The following HIRA variants were observed in gnomAD, a reference collection of about 807,000 sequenced individuals.
The protein encoded by HIRA is protein HIRA.
In HIRA, 13 loss-of-function variants were observed where a neutral mutation model predicts 126.6. That is an observed-to-expected ratio of 0.10 (90% CI 0.07 to 0.16). The LOEUF is 0.16. HIRA is among the 10% of genes least tolerant of loss of function. The probability of loss-of-function intolerance (pLI) is 1.00; values close to 1 mark genes in which losing one functional copy is unlikely to be tolerated. For synonymous variants in HIRA, 511 were observed against 520.0 expected (o/e 0.98, Z 0.24); for missense variants, 834 against 1,314.4 (o/e 0.63, Z 5.65).
chr22:19,423,081 C>T (rs1473689820), intron 1 of HIRA, among the ~76,000 whole-genome samples: 1 of 152,120 alleles, frequency 6.6e-6, no homozygotes, highest in Non-Finnish European at 1.5e-5. Context: ...GTGTGGATCC[C>T]GAGAGCCCTC....
chr22:19,409,288 C>CTT (rs1556025180), intron 2 of HIRA, among the ~76,000 whole-genome samples: 145 of 145,452 alleles, frequency 1.0e-3, no homozygotes, highest in Middle Eastern at 3.6e-3. Flanking sequence ...GATTTCTTTT[C>CTT]TTTTTTTTTT....
chr22:19,405,316 C>T (rs1361473448), intron 5 of HIRA: 1 of 198,012 alleles, frequency 5.1e-6, no homozygotes, highest in Non-Finnish European at 9.1e-6. Context: ...CATGGGCAAC[C>T]TTCCCCCTCA....
At chr22:19,386,338 A>G (rs17208994) in intron 11 of HIRA, among the ~76,000 whole-genome samples, 1 of 152,134 alleles carries the variant, frequency 6.6e-6, no homozygotes, top group African/African-American at 2.4e-5. Flanking sequence ...GCTAGACAGG[A>G]GCCTCATGAG....
At chr22:19,378,763 T>C (rs774473358) in intron 13 of HIRA, among the ~76,000 whole-genome samples, 1 of 152,220 alleles carries the variant, frequency 6.6e-6, no homozygotes. Flanking sequence ...ATTCTAATAA[T>C]TGTCATTACA....
intron 5 of HIRA, chr22:19,405,402 G>A (rs2089300093): frequency 1.4e-6 from 1 of 727,236 alleles, no homozygotes. Context: ...AGGTCAAGTT[G>A]AGAAACTTTT....
chr22:19,404,901 ACAGGCCTAGCT>A (rs1398747833), intron 5 of HIRA, among the ~76,000 whole-genome samples: 1 of 152,028 alleles, frequency 6.6e-6, no homozygotes, highest in African/African-American at 2.4e-5. Flanking sequence ...CTCAATTATC[ACAGGCCTAGCT>A]CAGGCCCTGA....
intron 8 of HIRA, among the ~76,000 whole-genome samples, chr22:19,393,358 TTTTTTA>T (rs2089197756): frequency 2.0e-5 from 3 of 152,230 alleles, no homozygotes; most frequent in South Asian, 4.1e-4. Context: ...CTTATTATCT[TTTTTTA>T]TTTTTATTTT....
chr22:19,347,722 T>C (rs2088702579), intron 24 of HIRA, among the ~76,000 whole-genome samples: 1 of 152,118 alleles, frequency 6.6e-6, no homozygotes, highest in South Asian at 2.1e-4. Flanking sequence ...GTAGATCACC[T>C]GAGGTCAGGA....
At chr22:19,372,133 G>A (rs894865586) in intron 15 of HIRA, among the ~76,000 whole-genome samples, 32 of 152,172 alleles carry the variant, frequency 2.1e-4, no homozygotes, top group African/African-American at 7.5e-4. Context: ...ACAGAATAGA[G>A]TATTAATCTT....
At chr22:19,336,766 G>A (rs1251606741) in intron 24 of HIRA, among the ~76,000 whole-genome samples, 3 of 152,198 alleles carry the variant, frequency 2.0e-5, no homozygotes, top group Non-Finnish European at 2.9e-5. Context: ...GCCCCACTGG[G>A]TGGCTAGACC....
chr22:19,362,116 C>T (rs915887178), intron 15 of HIRA, among the ~76,000 whole-genome samples, 185 bp from the exon 16 acceptor site: 10 of 152,038 alleles, frequency 6.6e-5, no homozygotes, highest in African/African-American at 9.7e-5. Context: ...AAAGAGACAC[C>T]GGAATCTGTT....
chr22:19,409,357 C>T (rs919888168), intron 2 of HIRA, among the ~76,000 whole-genome samples: 3 of 151,778 alleles, frequency 2.0e-5, no homozygotes, highest in Non-Finnish European at 4.4e-5. Context: ...GATCTCGGCT[C>T]ACTGCAACCT....
chr22:19,350,656 A>G (rs1473257881), intron 24 of HIRA, among the ~76,000 whole-genome samples: 2 of 151,720 alleles, frequency 1.3e-5, no homozygotes, highest in East Asian at 1.9e-4. Flanking sequence ...CTGTTTTTCT[A>G]TTTTAGTTCA....
intron 24 of HIRA, among the ~76,000 whole-genome samples, chr22:19,341,073 TG>T (rs1187090922): frequency 6.6e-6 from 1 of 152,110 alleles, no homozygotes; most frequent in Non-Finnish European, 1.5e-5. Flanking sequence ...TCCAGCACTT[TG>T]GGAGGCTAAG....
At chr22:19,343,886 A>AGAG (rs376744270) in intron 24 of HIRA, among the ~76,000 whole-genome samples, 13 of 145,078 alleles carry the variant, frequency 9.0e-5, no homozygotes, top group East Asian at 2.0e-4. Context: ...AAAAAAAAAA[A>AGAG]AGAGAGAGAG....
chr22:19,356,998 C>G lies in HIRA; in HGVS notation c.2288G>C (p.Cys763Ser). 1.2e-6 allele frequency: 2 copies of G among 1,614,062 alleles called. No homozygotes were observed. The highest frequency in any genetic ancestry group is 1.7e-6 in the Non-Finnish European group (2 of 1,180,000). The change falls in exon 19 of 25, where the codon TGT becomes TCT. Residue 763 changes from cysteine to serine, a missense_variant. Physicochemically the swap from Cys to Ser is moderately radical, Grantham distance 112 (BLOSUM62 -1). This residue lies in a region of HIRA where 468 missense variants were observed against 574.2 expected (regional missense o/e 0.82). Transcript: ENST00000263208. ...EKRMLSVFST[C>S]GRRLLSPILL... ...GATGGGAGAGAGGAGACGGCGACCA[C>G]AGGTGGAGAACACTGACAGCATCCT...
chr22:19,399,052 C>G, intron 5 of HIRA: 2 of 841,240 alleles, frequency 2.4e-6, no homozygotes, highest in African/African-American at 3.7e-5. Flanking sequence ...ATGTGATAAA[C>G]TGCTGCAACA....
chr22:19,381,049 T>C (rs528996400), intron 13 of HIRA, among the ~76,000 whole-genome samples: 1 of 152,364 alleles, frequency 6.6e-6, no homozygotes, highest in South Asian at 2.1e-4. Context: ...AGCTAATCAA[T>C]GGTATGAATT....
Position 19,404,118 on chromosome 22 carries a change from C to T in HIRA, c.397+1668G>A, listed in dbSNP as rs117916018. 3.8e-4 allele frequency among the ~76,000 whole-genome samples: 58 copies of T among 152,176 alleles called. 3 individuals carry two copies. The East Asian group carries it at 0.011, about 29-fold the overall frequency. On this transcript the variant is annotated intron_variant, in intron 5 of 24. Transcript: ENST00000263208. Reference sequence around the variant, plus strand: ...TCTTCCCAACCCCCAATTAAATATACCAAGTATATATTTCTCACACTTTGC... The same window carrying T: ...TCTTCCCAACCCCCAATTAAATATATCAAGTATATATTTCTCACACTTTGC...
Sources: allele counts gnomAD v4.1 joint callset (sites outside exome capture counted in the v4.1 genomes callset), GRCh38; gene constraint gnomAD v4.1.1; regional missense constraint gnomAD v4.1.1; transcripts MANE v1.5; gene names NCBI Gene and HGNC (gene_info 2026-07-23, HGNC 2026-07-21).